The following ZNF469 variants were observed in gnomAD, a reference collection of about 807,000 sequenced individuals.
ZNF469 encodes the protein zinc finger protein 469.
A neutral mutation model predicts 1.0 loss-of-function variants in ZNF469; 1 was observed. The observed-to-expected ratio is 1.00, with a 90% confidence interval of 0.35 to 4.73. The LOEUF (loss-of-function observed/expected upper bound fraction) is 4.73, where lower values mean the gene tolerates loss of function less well. ZNF469 is among the 30% of genes most tolerant of loss of function. ZNF469 has a pLI of 0.16. For synonymous variants in ZNF469, 2,703 were observed against 2,363.4 expected (o/e 1.14, Z -4.17); for missense variants, 6,100 against 5,356.3 (o/e 1.14, Z -4.33).
At chr16:88,191,504 A>AT in the ZNF469 span, 9 of 152,390 alleles carry the variant, frequency 5.9e-5, no homozygotes, top group African/African-American at 2.2e-4. Context: ...TAATGTATTT[A>AT]TTTTTTGTGG....
In ZNF469 at chr16:88,434,985, G is replaced by C. The variant is rs775992269; in HGVS notation, c.7515G>C (p.Pro2505=). 37 of 1,550,050 alleles carry C rather than the reference G, an allele frequency of 2.4e-5. No individual in the cohort carries two copies. Among genetic ancestry groups the C allele is most frequent in the Non-Finnish European group, 3.1e-5 (35 of 1,146,952 alleles). Residue 2505 remains proline (P), a synonymous_variant, in exon 3 of 3, where the codon CCG becomes CCC. Transcript: ENST00000565624. The part of the protein sequence containing the change: ...HRPHPGAPAE[P]SPAALPAQQP... ...CACACCCGGGAGCCCCCGCGGAGCC[G>C]AGCCCAGCGGCCTTGCCTGCTCAGC... is the stretch of plus-strand genomic sequence containing the variant.
the ZNF469 span, among the ~76,000 whole-genome samples, chr16:88,137,267 G>C: frequency 1.7e-3 from 252 of 152,330 alleles, 1 homozygote; most frequent in African/African-American, 5.8e-3. Flanking sequence ...GTAAAACCAT[G>C]TGTGTGTATG....
At chr16:88,268,511 T>TTTGTGGAC in the ZNF469 span, among the ~76,000 whole-genome samples, 1 of 152,332 alleles carries the variant, frequency 6.6e-6, no homozygotes, top group Non-Finnish European at 1.5e-5. Flanking sequence ...GGCTGAGTAT[T>TTTGTGGAC]TTGTGGACTG....
intron 1 of ZNF469, among the ~76,000 whole-genome samples, chr16:88,419,480 G>GC (rs1333810274): frequency 2.6e-5 from 4 of 152,194 alleles, no homozygotes; most frequent in Admixed American, 2.6e-4. Flanking sequence ...CGGCCTGGAA[G>GC]CCCAGCTGCT....
At chr16:88,376,380 C>T in the ZNF469 span, among the ~76,000 whole-genome samples, 6 of 152,352 alleles carry the variant, frequency 3.9e-5, no homozygotes, top group Admixed American at 6.5e-5. Context: ...AGGGGACGTC[C>T]GGGGTGAGAG....
At chr16:88,425,359 G>C (rs1347995513) in intron 2 of ZNF469, among the ~76,000 whole-genome samples, 1 of 152,178 alleles carries the variant, frequency 6.6e-6, no homozygotes, top group Non-Finnish European at 1.5e-5. Context: ...GGCTTCATGT[G>C]GGGCCTGGCT....
chr16:88,233,976 A>G, the ZNF469 span, among the ~76,000 whole-genome samples: 1 of 152,374 alleles, frequency 6.6e-6, no homozygotes, highest in East Asian at 1.9e-4. Context: ...TGTGGTTTCC[A>G]CAGGAACTTT....
the ZNF469 span, among the ~76,000 whole-genome samples, chr16:88,338,725 G>C: frequency 6.6e-6 from 1 of 152,160 alleles, no homozygotes; most frequent in Non-Finnish European, 1.5e-5. Flanking sequence ...CAGAAGGGGG[G>C]ATATGGGCAG....
At chr16:88,389,188 G>A (rs1904416288) in intron 1 of ZNF469, among the ~76,000 whole-genome samples, 1 of 152,186 alleles carries the variant, frequency 6.6e-6, no homozygotes, top group Admixed American at 6.5e-5. Flanking sequence ...CCCTCTCCCA[G>A]CCCTCGGCAG....
chr16:88,333,958 A>T, the ZNF469 span, among the ~76,000 whole-genome samples: 1 of 144,810 alleles, frequency 6.9e-6, no homozygotes, highest in Non-Finnish European at 1.5e-5. Flanking sequence ...GTGTGTCTGC[A>T]TGTGTGTCTG....
the ZNF469 span, among the ~76,000 whole-genome samples, chr16:88,200,004 C>T: frequency 1.3e-5 from 2 of 152,200 alleles, no homozygotes; most frequent in East Asian, 1.9e-4. Context: ...CCTGTTCCCT[C>T]CATGACCTCG....
the ZNF469 span, among the ~76,000 whole-genome samples, chr16:88,324,949 G>C: frequency 2.6e-5 from 4 of 152,156 alleles, no homozygotes; most frequent in African/African-American, 9.7e-5. Context: ...TCTGCTTCTG[G>C]GGAGGCCTCA....
chr16:88,209,417 A>C, the ZNF469 span, among the ~76,000 whole-genome samples: 1 of 151,554 alleles, frequency 6.6e-6, no homozygotes, highest in Non-Finnish European at 1.5e-5. Flanking sequence ...CAGCCTCCCG[A>C]GTAGCTGGGA....
the ZNF469 span, among the ~76,000 whole-genome samples, chr16:88,296,702 A>G: frequency 6.6e-6 from 1 of 151,792 alleles, no homozygotes; most frequent in African/African-American, 2.4e-5. Flanking sequence ...ACATGTGCAG[A>G]CCCATGCTCT....
upstream of ZNF469, among the ~76,000 whole-genome samples, chr16:88,381,316 ACACACAGAGACATGCACTCG>A (rs1177557826): frequency 1.3e-5 from 2 of 149,784 alleles, no homozygotes; most frequent in Admixed American, 6.6e-5. Context: ...TCATGCACTC[ACACACAGAGACATGCACTCG>A]CACACAGACA....
At chr16:88,373,379 A>T in the ZNF469 span, among the ~76,000 whole-genome samples, 1 of 152,168 alleles carries the variant, frequency 6.6e-6, no homozygotes, top group Non-Finnish European at 1.5e-5. Context: ...CTTGAGAGAC[A>T]GCATCTCAGG....
At chr16:88,234,017 ATTATC>A in the ZNF469 span, among the ~76,000 whole-genome samples, 1 of 152,104 alleles carries the variant, frequency 6.6e-6, no homozygotes, top group East Asian at 1.9e-4. Flanking sequence ...AAACGATGAA[ATTATC>A]TTTTTCCTAT....
At position 88,431,201 on chromosome 16, in the gene ZNF469, C is replaced by T. The variant is rs1906152099; in HGVS notation, c.3731C>T (p.Ala1244Val). Reference protein sequence around the residue: ...SAPDSTEFTEALRSPPAACAG... With the variant: ...SAPDSTEFTEVLRSPPAACAG... ...CCGGACAGCACAGAATTCACAGAGG[C>T]TTTGCGTTCTCCTCCAGCCGCCTGT... Residue 1244 changes from alanine (A) to valine (V), a missense_variant, in exon 3 of 3, where the codon GCT (alanine) becomes GTT (valine). Physicochemically the swap from Ala to Val is moderately conservative, Grantham distance 64. Transcript: ENST00000565624. 1 of 1,550,394 alleles carries T rather than the reference C, an allele frequency of 6.4e-7. No homozygotes were observed. The highest frequency in any genetic ancestry group is 8.7e-7 in the Non-Finnish European group (1 of 1,146,984).
chr16:88,280,296 G>C, the ZNF469 span, among the ~76,000 whole-genome samples: 1 of 151,700 alleles, frequency 6.6e-6, no homozygotes. Flanking sequence ...CACAGTGACA[G>C]TCAGTATCGT....
Sources: allele counts gnomAD v4.1 joint callset (sites outside exome capture counted in the v4.1 genomes callset), GRCh38; gene constraint gnomAD v4.1.1; transcripts MANE v1.5; gene names NCBI Gene and HGNC (gene_info 2026-07-23, HGNC 2026-07-21).